Variants in SPINT2 observed in about 807,000 individuals in gnomAD.
SPINT2 encodes kunitz-type protease inhibitor 2.
A neutral mutation model predicts 30.1 loss-of-function variants in SPINT2; 18 were observed. That is an observed-to-expected ratio of 0.60 (90% CI 0.41 to 0.89). SPINT2 has a LOEUF of 0.89. SPINT2 is among the 40% of genes least tolerant of loss of function. The pLI is 0.00. For synonymous variants in SPINT2, 139 were observed against 137.9 expected (o/e 1.01, Z -0.05); for missense variants, 276 against 334.3 (o/e 0.83, Z 1.36).
Position 38,291,823 on chromosome 19 carries a change from C to T in SPINT2, c.593-17C>T. Reference sequence around the variant, plus strand: ...CCCCTTGCCTGGCCCGTCCTGAGGCCCCTCTCTCGTCCTCAGTGGTGGTTC... The same window carrying T: ...CCCCTTGCCTGGCCCGTCCTGAGGCTCCTCTCTCGTCCTCAGTGGTGGTTC... On this transcript the variant is annotated splice_polypyrimidine_tract_variant and intron_variant, in intron 6 of 6. Coordinates refer to ENST00000301244, the MANE Select transcript of SPINT2 (RefSeq NM_021102.4). The T allele has an allele frequency of 1.2e-6, 2 of 1,611,544 alleles. No homozygotes were observed. Among genetic ancestry groups the T allele is most frequent in the South Asian group, 2.2e-5 (2 of 90,854 alleles).
At chr19:38,277,146 G>A (rs750751321) in intron 1 of SPINT2, among the ~76,000 whole-genome samples, 1 of 152,194 alleles carries the variant, frequency 6.6e-6, no homozygotes, top group Admixed American at 6.5e-5. Context: ...GTACTCATCA[G>A]CATATTTGAA....
At chr19:38,277,610 A>G (rs945807566) in intron 1 of SPINT2, among the ~76,000 whole-genome samples, 5 of 152,172 alleles carry the variant, frequency 3.3e-5, no homozygotes, top group African/African-American at 1.2e-4. Context: ...CAGACTGTAG[A>G]TTGTTGTCTT....
chr19:38,274,175 A>C (rs558944163), intron 1 of SPINT2, among the ~76,000 whole-genome samples: 1 of 152,220 alleles, frequency 6.6e-6, no homozygotes, highest in South Asian at 2.1e-4. Flanking sequence ...ACTGTGAGCC[A>C]AGATTGTACC....
chr19:38,264,769 C>A lies in SPINT2; in HGVS notation c.-124C>A. ...GGGGCTTTGGCACCTGGCGGACCCT[C>A]CCGGAGCGTCGGCACCTGAACGCGA... On this transcript the variant is annotated 5_prime_UTR_variant, in exon 1 of 7. Coordinates refer to ENST00000301244, the MANE Select transcript of SPINT2 (RefSeq NM_021102.4). 6.6e-6 allele frequency: 7 copies of A among 1,068,026 alleles called. No individual in the cohort carries two copies. Among genetic ancestry groups the A allele is most frequent in the South Asian group, 4.4e-5 (3 of 68,734 alleles). The allele number at this position is 1,068,026 out of a possible 1,614,324, so 66.2% of individuals were successfully genotyped here. A position where few individuals can be genotyped will look rare whatever the true frequency, so the allele number is the denominator to read the frequency against.
At chr19:38,269,642 G>C (rs1235605385) in intron 1 of SPINT2, among the ~76,000 whole-genome samples, 1 of 137,390 alleles carries the variant, frequency 7.3e-6, no homozygotes, top group Admixed American at 8.0e-5. Context: ...GGAGTGTCTC[G>C]CTCTGTCGCC....
intron 3 of SPINT2, 106 bp downstream of exon 3, chr19:38,288,041 G>A: frequency 1.4e-6 from 2 of 1,413,356 alleles, no homozygotes; most frequent in South Asian, 2.3e-5. Context: ...TCATGGTTCT[G>A]TTTACTCAAA....
chr19:38,267,412 A>G (rs1968392172), intron 1 of SPINT2, among the ~76,000 whole-genome samples: 1 of 152,102 alleles, frequency 6.6e-6, no homozygotes, highest in Non-Finnish European at 1.5e-5. Context: ...AGGAGTGAAC[A>G]GAGAATGTGT....
chr19:38,276,879 C>T (rs2146270626), intron 1 of SPINT2, among the ~76,000 whole-genome samples: 1 of 152,034 alleles, frequency 6.6e-6, no homozygotes, highest in Admixed American at 6.6e-5. Context: ...CGGCTCACTG[C>T]AACCTCCACC....
At chr19:38,276,712 G>C (rs568228142) in intron 1 of SPINT2, among the ~76,000 whole-genome samples, 2 of 152,174 alleles carry the variant, frequency 1.3e-5, no homozygotes. Flanking sequence ...CCAAGTTCAA[G>C]GTGGTAGGGG....
rs761828041 is a variant in SPINT2, at chr19:38,283,598, A to C, written c.107-29A>C. The C allele has an allele frequency of 3.1e-6, 5 of 1,613,500 alleles. No individual in the cohort carries two copies. In the South Asian group the frequency reaches 3.3e-5, roughly 11 times the overall value. On this transcript the variant is annotated intron_variant, in intron 1 of 6. Coordinates refer to ENST00000301244, the MANE Select transcript of SPINT2 (RefSeq NM_021102.4). ...CTTTGTTGCCAGGATTGCCCTGCCAAGCTAACCGGGTTGTGCTTCGCGTTT... is the reference window on the plus strand; with the variant it reads ...CTTTGTTGCCAGGATTGCCCTGCCACGCTAACCGGGTTGTGCTTCGCGTTT...
At chr19:38,280,705 G>A (rs1204065525) in intron 1 of SPINT2, among the ~76,000 whole-genome samples, 1 of 150,818 alleles carries the variant, frequency 6.6e-6, no homozygotes, top group Non-Finnish European at 1.5e-5. Flanking sequence ...CGAAGTTACC[G>A]AATTCCTGCC....
chr19:38,291,505 T>C (rs1362822794), intron 6 of SPINT2: 1 of 317,186 alleles, frequency 3.2e-6, no homozygotes, highest in Non-Finnish European at 6.0e-6. Context: ...TTTACACCCT[T>C]GTGCATCTCT....
At chr19:38,265,222 T>C in intron 1 of SPINT2, 1 of 500,138 alleles carries the variant, frequency 2.0e-6, no homozygotes, top group Non-Finnish European at 3.6e-6. Context: ...GAGAGTTTCC[T>C]TCGGGTGGAG....
intron 1 of SPINT2, among the ~76,000 whole-genome samples, chr19:38,281,518 T>G (rs1251809761): frequency 6.6e-6 from 1 of 152,102 alleles, no homozygotes; most frequent in African/African-American, 2.4e-5. Context: ...GAGACCAGCC[T>G]GGCCAACATG....
chr19:38,284,802 C>T (rs1968622738), intron 2 of SPINT2, among the ~76,000 whole-genome samples: 1 of 152,104 alleles, frequency 6.6e-6, no homozygotes, highest in Non-Finnish European at 1.5e-5. Context: ...AGTTGGAGTG[C>T]AGTAGAGCAA....
At chr19:38,275,493 T>C (rs537934791) in intron 1 of SPINT2, among the ~76,000 whole-genome samples, 4 of 151,794 alleles carry the variant, frequency 2.6e-5, no homozygotes, top group African/African-American at 9.7e-5. Context: ...CCGGGCTAAG[T>C]TTTATATTTT....
chr19:38,288,160 T>G (rs953641482), intron 3 of SPINT2, among the ~76,000 whole-genome samples: 16 of 152,126 alleles, frequency 1.1e-4, no homozygotes, highest in Non-Finnish European at 2.9e-5. Context: ...CTGCAGCACT[T>G]CCTGGCTGGC....
chr19:38,279,502 A>C (rs771775890), intron 1 of SPINT2, among the ~76,000 whole-genome samples: 3 of 152,158 alleles, frequency 2.0e-5, no homozygotes, highest in Admixed American at 6.5e-5. Context: ...CATCTTAAAA[A>C]AAAATTATTA....
At chr19:38,271,979 G>A (rs895623891) in intron 1 of SPINT2, among the ~76,000 whole-genome samples, 2 of 152,096 alleles carry the variant, frequency 1.3e-5, no homozygotes, top group African/African-American at 2.4e-5. Flanking sequence ...AATGGCTCAC[G>A]CTTGTAATCC....
Sources: allele counts gnomAD v4.1 joint callset (sites outside exome capture counted in the v4.1 genomes callset), GRCh38; gene constraint gnomAD v4.1.1; transcripts MANE v1.5; gene names NCBI Gene and HGNC (gene_info 2026-07-23, HGNC 2026-07-21).